PPP3CA: variants seen among roughly 807,000 people sequenced by gnomAD.
PPP3CA encodes the protein CAM-PRP catalytic subunit.
PPP3CA carries 14 observed loss-of-function variants against 66.5 expected under a neutral mutation model. The ratio of observed to expected loss-of-function variants is 0.21; its 90% CI spans 0.14 to 0.33. The LOEUF is 0.33. PPP3CA is among the 10% of genes least tolerant of loss of function. The pLI is 1.00. For synonymous variants in PPP3CA, 232 were observed against 226.2 expected (o/e 1.03, Z -0.23); for missense variants, 317 against 639.5 (o/e 0.50, Z 5.44).
At position 101,023,830 on chromosome 4, in the gene PPP3CA, C is replaced by T. The variant is rs1205046204; in HGVS notation, c.*2035G>A. On this transcript the variant is annotated 3_prime_UTR_variant, in exon 14 of 14. Coordinates refer to ENST00000394854, the MANE Select transcript of PPP3CA (RefSeq NM_000944.5). ...TAAAACAAAGTGCACTAAAGATGAA[C>T]AATGTTACAAACAAACTGAAATTTG... The T allele has an allele frequency of 1.3e-5, 2 of 152,518 alleles. No homozygotes were observed. Among genetic ancestry groups the T allele is most frequent in the Non-Finnish European group, 2.9e-5 (2 of 67,996 alleles). The allele number at this position is 152,518 out of a possible 1,614,324, so 9.4% of individuals were successfully genotyped here. A position where few individuals can be genotyped will look rare whatever the true frequency, so the allele number is the denominator to read the frequency against.
intron 2 of PPP3CA, among the ~76,000 whole-genome samples, chr4:101,116,138 G>C (rs1388454202): frequency 6.6e-6 from 1 of 151,882 alleles, no homozygotes; most frequent in Admixed American, 6.6e-5. Context: ...AGACTTGCAT[G>C]AAGTAGAAAA....
chr4:101,156,011 C>T (rs376346852), intron 2 of PPP3CA, among the ~76,000 whole-genome samples: 29 of 152,290 alleles, frequency 1.9e-4, no homozygotes, highest in African/African-American at 7.0e-4. Flanking sequence ...TTTAGAGATA[C>T]GGAAACTATG....
chr4:101,156,543 G>A (rs969207767), intron 2 of PPP3CA, among the ~76,000 whole-genome samples: 1 of 152,134 alleles, frequency 6.6e-6, no homozygotes, highest in Non-Finnish European at 1.5e-5. Context: ...AGCTGGGTGT[G>A]GTGACACATG....
chr4:101,104,312 T>G (rs182084021), intron 3 of PPP3CA, among the ~76,000 whole-genome samples: 1 of 152,296 alleles, frequency 6.6e-6, no homozygotes, highest in East Asian at 1.9e-4. Flanking sequence ...GGATTTTTCT[T>G]AAAACAACAG....
chr4:101,300,641 G>GA (rs984894598), intron 1 of PPP3CA, among the ~76,000 whole-genome samples: 8 of 151,902 alleles, frequency 5.3e-5, no homozygotes, highest in African/African-American at 1.9e-4. Context: ...CTAAAAAATA[G>GA]AAAAAAATAG....
intron 1 of PPP3CA, among the ~76,000 whole-genome samples, chr4:101,333,301 T>G (rs1248376347): frequency 4.2e-5 from 5 of 117,802 alleles, no homozygotes; most frequent in African/African-American, 1.7e-4. Flanking sequence ...TTTTTTTTTT[T>G]TTTTTTTTGT....
rs181908532 is a variant in PPP3CA, at chr4:101,207,459, T to C, written c.59-11343A>G. ...TCTTTTTAGTGTCTGCATGACAGGCTACCAGTCAAAGTGAATCCAAATCTT... is the reference window on the plus strand; with the variant it reads ...TCTTTTTAGTGTCTGCATGACAGGCCACCAGTCAAAGTGAATCCAAATCTT... On this transcript the variant is annotated intron_variant, in intron 1 of 13. Transcript: ENST00000394854. Among the ~76,000 whole-genome samples, 3 of 152,348 alleles carry C rather than the reference T, an allele frequency of 2.0e-5. No individual in the cohort carries two copies. In the East Asian group the frequency reaches 5.8e-4, roughly 29 times the overall value.
chr4:101,325,988 C>A (rs1218911170), intron 1 of PPP3CA, among the ~76,000 whole-genome samples: 1 of 151,998 alleles, frequency 6.6e-6, no homozygotes, highest in Non-Finnish European at 1.5e-5. Context: ...AAAATAAAAA[C>A]ATTAGCCAGG....
chr4:101,136,896 A>T (rs1446541731), intron 2 of PPP3CA, among the ~76,000 whole-genome samples: 1 of 152,150 alleles, frequency 6.6e-6, no homozygotes, highest in East Asian at 1.9e-4. Flanking sequence ...TAAACTCAAC[A>T]TACGTGGTTC....
intron 1 of PPP3CA, among the ~76,000 whole-genome samples, chr4:101,256,534 C>T (rs1037402467): frequency 2.0e-5 from 3 of 151,998 alleles, no homozygotes; most frequent in Non-Finnish European, 2.9e-5. Context: ...AGCAAGGCTG[C>T]CTGCTCACTA....
At chr4:101,336,776 T>A (rs991906929) in intron 1 of PPP3CA, among the ~76,000 whole-genome samples, 5 of 152,092 alleles carry the variant, frequency 3.3e-5, no homozygotes, top group Non-Finnish European at 7.4e-5. Flanking sequence ...GAGAGGTATA[T>A]GGAATAGGGA....
intron 1 of PPP3CA, among the ~76,000 whole-genome samples, chr4:101,317,618 G>C (rs1728921429): frequency 6.6e-6 from 1 of 152,044 alleles, no homozygotes; most frequent in Non-Finnish European, 1.5e-5. Context: ...AATATTACTT[G>C]TCATACCAAA....
At chr4:101,210,316 C>T (rs73833271) in intron 1 of PPP3CA, among the ~76,000 whole-genome samples, 4,659 of 152,214 alleles carry the variant, frequency 0.031, 258 homozygotes, top group African/African-American at 0.11. Context: ...GAATTTCAAA[C>T]ATTTCTTCAA....
chr4:101,262,130 T>G (rs1287820871), intron 1 of PPP3CA, among the ~76,000 whole-genome samples: 1 of 152,112 alleles, frequency 6.6e-6, no homozygotes, highest in Admixed American at 6.6e-5. Context: ...TTACATTTAT[T>G]TTTTTCTTTA....
At chr4:101,178,287 G>C (rs1329538184) in intron 2 of PPP3CA, among the ~76,000 whole-genome samples, 1 of 152,036 alleles carries the variant, frequency 6.6e-6, no homozygotes, top group African/African-American at 2.4e-5. Flanking sequence ...ACACAAGCAT[G>C]AATCCATGTT....
intron 1 of PPP3CA, among the ~76,000 whole-genome samples, chr4:101,241,792 T>C (rs886594294): frequency 6.6e-6 from 1 of 152,152 alleles, no homozygotes; most frequent in Admixed American, 6.6e-5. Context: ...AACTCAAAGC[T>C]AGAAAATCTG....
Position 101,128,945 on chromosome 4 carries a change from T to C in PPP3CA, c.260-19867A>G, listed in dbSNP as rs534147785. 5.9e-5 allele frequency among the ~76,000 whole-genome samples: 9 copies of C among 152,136 alleles called. No homozygotes were observed. In the South Asian group the frequency reaches 1.9e-3, roughly 32 times the overall value. On this transcript the variant is annotated intron_variant, in intron 2 of 13. Transcript: ENST00000394854. ...GGGCTGAAACCAGGGAGCCAAGTGG[T>C]CTTGCTCAGCAGATCCCACCCCCAT...
chr4:101,287,676 G>A (rs769125466), intron 1 of PPP3CA, among the ~76,000 whole-genome samples: 3 of 151,752 alleles, frequency 2.0e-5, no homozygotes, highest in African/African-American at 7.3e-5. Flanking sequence ...ATTAACACAA[G>A]TATAAAATTA....
At chr4:101,187,020 G>A (rs1724432520) in intron 2 of PPP3CA, among the ~76,000 whole-genome samples, 1 of 152,138 alleles carries the variant, frequency 6.6e-6, no homozygotes, top group African/African-American at 2.4e-5. Context: ...CCACTGAATA[G>A]ATAGAAAGCT....
Sources: allele counts gnomAD v4.1 joint callset (sites outside exome capture counted in the v4.1 genomes callset), GRCh38; gene constraint gnomAD v4.1.1; transcripts MANE v1.5; gene names NCBI Gene and HGNC (gene_info 2026-07-23, HGNC 2026-07-21).